DNAH8: variants seen among roughly 807,000 people sequenced by gnomAD.
DNAH8 encodes axonemal beta dynein heavy chain 8.
DNAH8 carries 382 observed loss-of-function variants against 562.1 expected under a neutral mutation model. The observed-to-expected ratio is 0.68, with a 90% CI of 0.63 to 0.74. The LOEUF (loss-of-function observed/expected upper bound fraction) is 0.74, where lower values mean the gene tolerates loss of function less well. Among genes scored for constraint, DNAH8 ranks in the 30% least tolerant of loss-of-function variants. The pLI is 0.00. For missense variants in DNAH8, 5,203 were observed against 5,620.4 expected, an observed-to-expected ratio of 0.93 and a Z score of 2.37; for synonymous variants, 1,881 against 1,919.4, an observed-to-expected ratio of 0.98 and a Z score of 0.52.
rs371374374 is a variant in DNAH8, at chr6:39,025,670, A to G, written c.13715-876A>G. 1.4e-3 allele frequency among the ~76,000 whole-genome samples: 209 copies of G among 152,330 alleles called. 1 individual carries two copies. The highest frequency in any genetic ancestry group is 4.7e-3 in the African/African-American group (197 of 41,576). ...TGTTCACTTTTGTGTTGTTTTGTGC[A>G]TACATTGGTATGTGCTGGTTTGGTT... On this transcript the variant is annotated intron_variant, in intron 91 of 92. Transcript: ENST00000327475.
chr6:38,981,351 A>G (rs1583499605), intron 85 of DNAH8, among the ~76,000 whole-genome samples: 1 of 152,108 alleles, frequency 6.6e-6, no homozygotes, highest in East Asian at 1.9e-4. Flanking sequence ...TACTTGCCAT[A>G]CCTTTAAAAT....
intron 70 of DNAH8, among the ~76,000 whole-genome samples, chr6:38,919,424 T>C (rs1261996477): frequency 6.6e-6 from 1 of 152,186 alleles, no homozygotes; most frequent in Non-Finnish European, 1.5e-5. Context: ...TTAATATTTT[T>C]TTTTAACAAG....
In DNAH8 at chr6:38,786,301, A is replaced by G. The variant is rs1341956143; in HGVS notation, c.2396-464A>G. Among the ~76,000 whole-genome samples, 5 of 152,212 alleles carry G rather than the reference A, an allele frequency of 3.3e-5. No homozygotes were observed. The East Asian group carries it at 7.7e-4, about 23-fold the overall frequency. ...TTTCTTACTGATTTTGAGCCTATTT[A>G]TCAGAAATACAGGATGGAGATTTAA... is the stretch of plus-strand genomic sequence containing the variant. On this transcript the variant is annotated intron_variant, in intron 17 of 92. Transcript: ENST00000327475.
At position 38,810,708 on chromosome 6, in the gene DNAH8, G is replaced by A. The variant is rs903967302; in HGVS notation, c.3257+2992G>A. 2.0e-5 allele frequency among the ~76,000 whole-genome samples: 3 copies of A among 152,098 alleles called. 1 individual carries two copies. The South Asian group carries it at 6.2e-4, about 31-fold the overall frequency. The stretch of plus-strand genomic sequence containing the variant: ...ACTGAACTGTACATATTTTATTCCT[G>A]TTTGATGTTTTAGTTTTACTTTTTT... On this transcript the variant is annotated intron_variant, in intron 24 of 92. Coordinates refer to ENST00000327475, the MANE Select transcript of DNAH8 (RefSeq NM_001206927.2).
chr6:38,828,803 T>A (rs1457844210), intron 30 of DNAH8, among the ~76,000 whole-genome samples: 1 of 152,196 alleles, frequency 6.6e-6, no homozygotes, highest in Non-Finnish European at 1.5e-5. Context: ...TATATTCACA[T>A]TGTTGCTTAA....
intron 26 of DNAH8, among the ~76,000 whole-genome samples, chr6:38,816,987 A>G (rs1772340633): frequency 6.6e-6 from 1 of 152,144 alleles, no homozygotes; most frequent in Non-Finnish European, 1.5e-5. Flanking sequence ...GGGTTGAGAA[A>G]CTGGTCTCAA....
intron 7 of DNAH8, among the ~76,000 whole-genome samples, chr6:38,740,972 GGT>G (rs1177421371): frequency 6.6e-6 from 1 of 151,912 alleles, no homozygotes; most frequent in East Asian, 1.9e-4. Context: ...TGCCATTTTT[GGT>G]TTTTTATTTC....
chr6:38,784,541 T>TCAGGACAC (rs1329850531), intron 17 of DNAH8, among the ~76,000 whole-genome samples: 3 of 152,202 alleles, frequency 2.0e-5, no homozygotes, highest in Non-Finnish European at 2.9e-5. Flanking sequence ...CACTTACTGC[T>TCAGGACAC]TTATAGATCT....
At chr6:38,891,394 G>A (rs1779331150) in intron 58 of DNAH8, among the ~76,000 whole-genome samples, 1 of 152,230 alleles carries the variant, frequency 6.6e-6, no homozygotes, top group South Asian at 2.1e-4. Flanking sequence ...AAGCCATGAA[G>A]GAGATAAGGA....
intron 37 of DNAH8, 50 bp downstream of exon 37, chr6:38,848,851 C>T (rs200542775): frequency 6.4e-7 from 1 of 1,560,084 alleles, no homozygotes; most frequent in South Asian, 1.1e-5. Context: ...TGTATGTTGT[C>T]TATATGTCTC....
At position 38,892,530 on chromosome 6, in the gene DNAH8, G is replaced by GT. The variant is rs569652728; in HGVS notation, c.8583+1770dup. Among the ~76,000 whole-genome samples the GT allele has an allele frequency of 3.5e-3, 537 of 152,140 alleles. 4 individuals are homozygous for GT. The highest frequency in any genetic ancestry group is 0.013 in the African/African-American group (522 of 41,490). On this transcript the variant is annotated intron_variant, in intron 58 of 92. Transcript: ENST00000327475. Reference sequence around the variant, plus strand: ...ACATCGAGTCCATCAGTGAATCTCAGTGACCTCCCCTTCAAAATCTACCCC... The same window carrying GT: ...ACATCGAGTCCATCAGTGAATCTCAGTTGACCTCCCCTTCAAAATCTACCCC...
intron 68 of DNAH8, among the ~76,000 whole-genome samples, chr6:38,916,044 T>C (rs1414545364): frequency 1.3e-5 from 2 of 152,182 alleles, no homozygotes; most frequent in Non-Finnish European, 2.9e-5. Context: ...TAATTTCTCA[T>C]TGATCCTTAA....
At chr6:38,990,259 C>A (rs1764691647) in intron 88 of DNAH8, 87 bp downstream of exon 88, 2 of 853,470 alleles carry the variant, frequency 2.3e-6, no homozygotes, top group East Asian at 2.6e-5. Context: ...CTCCTAATCT[C>A]TCTCCTTTCC....
intron 82 of DNAH8, among the ~76,000 whole-genome samples, chr6:38,960,466 CCAAA>C (rs1472771288): frequency 7.3e-4 from 109 of 150,076 alleles, no homozygotes; most frequent in African/African-American, 2.6e-3. Flanking sequence ...GACAAGAGAT[CCAAA>C]CAGACATTTC....
At position 38,894,839 on chromosome 6, in the gene DNAH8, G is replaced by A. The variant is rs201862791; in HGVS notation, c.8722G>A (p.Glu2908Lys). The change falls in exon 59 of 93, where the codon GAG becomes AAG. Residue 2908 changes from glutamate (E) to lysine (K), a missense_variant. By Grantham distance (56) the Glu-to-Lys change is moderately conservative. Transcript: ENST00000327475. Reference sequence around the variant, plus strand: ...TACTCTCCTGTCCCTTTTCAAACACGAGTGCAGCAGAGTAATTGCAGACAG... The same window carrying A: ...TACTCTCCTGTCCCTTTTCAAACACAAGTGCAGCAGAGTAATTGCAGACAG... ...IPTLLSLFKH[E>K]CSRVIADRFI... 5 of 1,613,804 alleles carry A rather than the reference G, an allele frequency of 3.1e-6. No homozygotes were observed. The highest frequency in any genetic ancestry group is 2.7e-5 in the African/African-American group (2 of 75,038).
At chr6:38,887,107 G>A (rs1215049072) in intron 57 of DNAH8, 103 bp downstream of exon 57, 3 of 800,680 alleles carry the variant, frequency 3.7e-6, no homozygotes, top group African/African-American at 1.7e-5. Flanking sequence ...AGTGGGGTTA[G>A]GTATGTGAAA....
intron 8 of DNAH8, among the ~76,000 whole-genome samples, chr6:38,747,384 C>CTTTTTCT (rs1765036290): frequency 2.6e-5 from 3 of 113,778 alleles, no homozygotes; most frequent in African/African-American, 3.6e-5. Context: ...TTTTCTTTTT[C>CTTTTTCT]TTTTTTTTTT....
At chr6:39,012,793 T>G (rs12198519) in intron 91 of DNAH8, among the ~76,000 whole-genome samples, 156 bp downstream of exon 91, 1 of 152,150 alleles carries the variant, frequency 6.6e-6, no homozygotes, top group African/African-American at 2.4e-5. Context: ...AAATAATTCT[T>G]CTGTATTTGT....
At chr6:38,813,818 C>G (rs1053616482) in intron 24 of DNAH8, among the ~76,000 whole-genome samples, 4 of 152,110 alleles carry the variant, frequency 2.6e-5, no homozygotes, top group Non-Finnish European at 5.9e-5. Flanking sequence ...TGAGAAAGAA[C>G]AACATTAAAA....
Sources: allele counts gnomAD v4.1 joint callset (sites outside exome capture counted in the v4.1 genomes callset), GRCh38; gene constraint gnomAD v4.1.1; transcripts MANE v1.5; gene names NCBI Gene and HGNC (gene_info 2026-07-23, HGNC 2026-07-21).